The following MYZAP variants were observed in gnomAD, a reference collection of about 807,000 sequenced individuals.
The protein encoded by MYZAP is myocardial zonula adherens protein.
A neutral mutation model predicts 69.4 loss-of-function variants in MYZAP; 66 were observed. The ratio of observed to expected loss-of-function variants is 0.95; its 90% CI spans 0.78 to 1.17. The LOEUF (loss-of-function observed/expected upper bound fraction) is 1.17. MYZAP is among the 50% of genes most tolerant of loss of function. The probability of loss-of-function intolerance (pLI) is 0.00; values close to 1 mark genes in which losing one functional copy is unlikely to be tolerated. For missense variants in MYZAP, 611 were observed against 556.2 expected, an observed-to-expected ratio of 1.10 and a Z score of -0.99; for synonymous variants, 256 against 205.9, an observed-to-expected ratio of 1.24 and a Z score of -2.09.
chr15:57,647,331 A>G (rs2037494342), intron 10 of MYZAP: 2 of 985,408 alleles, frequency 2.0e-6, no homozygotes, highest in Non-Finnish European at 2.4e-6. Flanking sequence ...TCAGACTTCC[A>G]CTAGGGAGAC....
intron 6 of MYZAP, among the ~76,000 whole-genome samples, chr15:57,630,974 G>T (rs575823254): frequency 6.6e-6 from 1 of 152,132 alleles, no homozygotes; most frequent in Non-Finnish European, 1.5e-5. Context: ...CCGGTCCACC[G>T]CCCGGTCTCT....
chr15:57,676,939 G>A (rs1041514415), intron 12 of MYZAP, among the ~76,000 whole-genome samples: 1 of 152,184 alleles, frequency 6.6e-6, no homozygotes, highest in African/African-American at 2.4e-5. Context: ...CATCTTAGCA[G>A]TTTAACTACC....
chr15:57,608,785 A>T (rs9796502), intron 2 of MYZAP, among the ~76,000 whole-genome samples: 135 of 152,246 alleles, frequency 8.9e-4, no homozygotes, highest in African/African-American at 3.1e-3. Flanking sequence ...TTCTGGAGTT[A>T]TTCTCCTGCC....
intron 8 of MYZAP, among the ~76,000 whole-genome samples, chr15:57,637,342 G>A (rs1195687007): frequency 6.6e-6 from 1 of 152,170 alleles, no homozygotes; most frequent in Non-Finnish European, 1.5e-5. Flanking sequence ...TTTTCTTGAT[G>A]ATTCAGAAAA....
chr15:57,647,525 T>C, intron 10 of MYZAP: 1 of 985,472 alleles, frequency 1.0e-6, no homozygotes, highest in Non-Finnish European at 1.2e-6. Flanking sequence ...GAGAATGCAA[T>C]GACCTTTAGA....
In MYZAP at chr15:57,684,561, C is replaced by A; in HGVS notation, c.*63C>A. On this transcript the variant is annotated 3_prime_UTR_variant, in exon 13 of 13. Coordinates refer to ENST00000267853, the MANE Select transcript of MYZAP (RefSeq NM_001018100.5). ...GCTCTGGAACCCTGTGGCTTCAAAT[C>A]CTTTGGGAAGGGTGACTGTTGTTTC... 1 of 1,076,906 alleles carries A rather than the reference C, an allele frequency of 9.3e-7. No homozygotes were observed. The highest frequency in any genetic ancestry group is 1.4e-6 in the Non-Finnish European group (1 of 714,522). The allele number at this position is 1,076,906 out of a possible 1,614,324, so 66.7% of individuals were successfully genotyped here.
chr15:57,643,769 G>A (rs2037296461), intron 10 of MYZAP, among the ~76,000 whole-genome samples: 1 of 148,990 alleles, frequency 6.7e-6, no homozygotes, highest in African/African-American at 2.5e-5. Flanking sequence ...CTATATCCCA[G>A]TGCAGCCATT....
At chr15:57,647,722 C>T in intron 10 of MYZAP, 2 of 985,396 alleles carry the variant, frequency 2.0e-6, no homozygotes, top group Non-Finnish European at 2.4e-6. Context: ...TGGATGCCCT[C>T]CACACCTCCT....
chr15:57,617,745 A>G (rs1177763450), intron 2 of MYZAP, among the ~76,000 whole-genome samples: 1 of 152,206 alleles, frequency 6.6e-6, no homozygotes, highest in Admixed American at 6.5e-5. Context: ...TACTAGGACA[A>G]CGCAAGTCCG....
At chr15:57,672,937 G>C (rs904606416) in intron 11 of MYZAP, among the ~76,000 whole-genome samples, 3 of 151,956 alleles carry the variant, frequency 2.0e-5, no homozygotes, top group Non-Finnish European at 1.5e-5. Flanking sequence ...TCTATTATTT[G>C]CTGCTCAGTT....
intron 1 of MYZAP, among the ~76,000 whole-genome samples, chr15:57,600,763 G>A (rs1376971490): frequency 1.3e-5 from 2 of 152,190 alleles, no homozygotes; most frequent in Admixed American, 1.3e-4. Flanking sequence ...GAAGCATATA[G>A]GATGATGATA....
At position 57,674,984 on chromosome 15, in the gene MYZAP, G is replaced by C. The variant is rs770429275; in HGVS notation, c.1220G>C (p.Ser407Thr). Residue 407 changes from serine to threonine, a missense_variant, in exon 12 of 13, where the codon AGC becomes ACC. Physicochemically the swap from Ser to Thr is moderately conservative, Grantham distance 58. Coordinates refer to ENST00000267853, the MANE Select transcript of MYZAP (RefSeq NM_001018100.5). ...CATCTCCAGAATAATGAACTACAAA[G>C]CAGGTTGGACTATTTAACAGAAACC... The part of the protein sequence containing the change: ...FLEGENNELQ[S>T]RLDYLTETQA... 6.2e-6 allele frequency: 10 copies of C among 1,613,112 alleles called. No individual in the cohort carries two copies. The African/African-American group carries it at 1.1e-4, about 17-fold the overall frequency.
chr15:57,653,697 G>A (rs991737925), intron 10 of MYZAP, among the ~76,000 whole-genome samples: 1 of 152,008 alleles, frequency 6.6e-6, no homozygotes, highest in African/African-American at 2.4e-5. Context: ...AGCAAGACAA[G>A]GAAAATATTT....
At chr15:57,636,892 C>T (rs1444602223) in intron 8 of MYZAP, among the ~76,000 whole-genome samples, 2 of 152,172 alleles carry the variant, frequency 1.3e-5, no homozygotes, top group Non-Finnish European at 2.9e-5. Context: ...ATGTTCCATT[C>T]CTAGAGGTCA....
intron 11 of MYZAP, among the ~76,000 whole-genome samples, chr15:57,665,039 A>T (rs564769150): frequency 1.3e-5 from 2 of 152,320 alleles, no homozygotes; most frequent in South Asian, 4.2e-4. Flanking sequence ...ATTGTCATTG[A>T]TAAATATTTT....
chr15:57,625,980 AT>A, intron 5 of MYZAP, 88 bp downstream of exon 5: 1 of 1,133,818 alleles, frequency 8.8e-7, no homozygotes, highest in East Asian at 2.4e-5. Context: ...GTCACAGAAC[AT>A]CCTTAGCTCA....
chr15:57,596,144 A>T (rs1240882220), intron 1 of MYZAP, among the ~76,000 whole-genome samples: 1 of 152,202 alleles, frequency 6.6e-6, no homozygotes, highest in Non-Finnish European at 1.5e-5. Context: ...ACATTTATGG[A>T]GATCCCATGG....
At chr15:57,635,735 C>G (rs2036779905) in intron 8 of MYZAP, among the ~76,000 whole-genome samples, 1 of 152,226 alleles carries the variant, frequency 6.6e-6, no homozygotes, top group Admixed American at 6.5e-5. Context: ...ATCGCTGTCT[C>G]ACACTACGTG....
chr15:57,606,809 A>G (rs1471809434), intron 2 of MYZAP, among the ~76,000 whole-genome samples: 1 of 152,206 alleles, frequency 6.6e-6, no homozygotes, highest in Non-Finnish European at 1.5e-5. Flanking sequence ...TTATTGAATA[A>G]ATGTTAATTT....
Sources: gnomAD v4.1 joint callset for allele counts (sites outside exome capture counted in the v4.1 genomes callset) on GRCh38, gnomAD v4.1.1 for gene constraint, MANE v1.5 for transcripts, NCBI Gene and HGNC (gene_info 2026-07-23, HGNC 2026-07-21) for gene names.